The following NSD3 variants were observed in gnomAD, a reference collection of about 807,000 sequenced individuals.
NSD3 encodes nuclear receptor binding SET domain protein 3.
In NSD3, 24 loss-of-function variants were observed where a neutral mutation model predicts 160.8. That is an observed-to-expected ratio of 0.15 (90% CI 0.11 to 0.21). NSD3 has a LOEUF of 0.21. NSD3 is among the 10% of genes least tolerant of loss of function. The pLI, the probability that NSD3 is intolerant of heterozygous loss-of-function variation, is 1.00. For synonymous variants in NSD3, 520 were observed against 600.0 expected (o/e 0.87, Z 1.95); for missense variants, 1,157 against 1,735.9 (o/e 0.67, Z 5.93).
At chr8:38,278,462 A>G in intron 21 of NSD3, 50 bp from the exon 22 acceptor site, 1 of 1,506,996 alleles carries the variant, frequency 6.6e-7, no homozygotes, top group Non-Finnish European at 9.0e-7. Context: ...GGGGAAGAGA[A>G]AAGCTCTCAC....
intron 1 of NSD3, among the ~76,000 whole-genome samples, chr8:38,356,947 C>T (rs1006204853): frequency 6.7e-6 from 1 of 150,186 alleles, no homozygotes; most frequent in Non-Finnish European, 1.5e-5. Flanking sequence ...GGCGAAACCC[C>T]GTCTCTACTA....
At chr8:38,303,496 C>A (rs1439599978) in intron 14 of NSD3, 1 of 556,598 alleles carries the variant, frequency 1.8e-6, no homozygotes, top group African/African-American at 2.1e-5. Context: ...ACTACAGACC[C>A]TGCTAGCTAC....
chr8:38,337,876 T>C (rs1188368597), intron 3 of NSD3, among the ~76,000 whole-genome samples: 1 of 152,244 alleles, frequency 6.6e-6, no homozygotes, highest in African/African-American at 2.4e-5. Context: ...TCTTCAATTA[T>C]ACTTTTCTCT....
intron 12 of NSD3, among the ~76,000 whole-genome samples, chr8:38,311,515 G>A (rs1585876461): frequency 6.6e-6 from 1 of 152,004 alleles, no homozygotes; most frequent in Admixed American, 6.6e-5. Flanking sequence ...TAGTAGAGAT[G>A]AGGTTTCTCC....
At chr8:38,279,938 A>G in intron 20 of NSD3, 2 of 386,616 alleles carry the variant, frequency 5.2e-6, no homozygotes, top group Non-Finnish European at 9.4e-6. Flanking sequence ...AGACCATGGA[A>G]TAATGCTATT....
chr8:38,313,493 T>C (rs1034918992), intron 12 of NSD3, among the ~76,000 whole-genome samples: 1 of 152,126 alleles, frequency 6.6e-6, no homozygotes, highest in Admixed American at 6.5e-5. Flanking sequence ...TGCTTAGTAC[T>C]TGTAGCACCT....
intron 20 of NSD3, 63 bp from the exon 21 acceptor site, chr8:38,279,744 C>T (rs753151080): frequency 9.0e-6 from 14 of 1,550,680 alleles, no homozygotes; most frequent in Non-Finnish European, 1.2e-5. Flanking sequence ...ACATCCAACT[C>T]AGTCAAGGAT....
At chr8:38,284,499 C>T (rs1808812010) in intron 19 of NSD3, among the ~76,000 whole-genome samples, 1 of 152,216 alleles carries the variant, frequency 6.6e-6, no homozygotes, top group Non-Finnish European at 1.5e-5. Flanking sequence ...AGCGATTCTC[C>T]TGCCTCAGCC....
At chr8:38,345,868 C>T (rs1652693290) in intron 2 of NSD3, among the ~76,000 whole-genome samples, 2 of 152,106 alleles carry the variant, frequency 1.3e-5, no homozygotes, top group South Asian at 2.1e-4. Flanking sequence ...AAGATTGCAC[C>T]ACTGCACTCC....
In NSD3 at chr8:38,319,004, G is replaced by A; in HGVS notation, c.1810-64C>T. On this transcript the variant is annotated intron_variant, in intron 8 of 23. Coordinates refer to ENST00000317025, the MANE Select transcript of NSD3 (RefSeq NM_023034.2). The surrounding 1 kb of genome is among the most constrained non-coding windows in gnomAD (Gnocchi z 4.1). ...TTTTCCCTTTTAATTATTAACAGAG[G>A]GAAAAGATACTTTCATCAATCTAAG... 1.4e-6 allele frequency: 2 copies of A among 1,380,562 alleles called. No homozygotes were observed. The highest frequency in any genetic ancestry group is 2.0e-6 in the Non-Finnish European group (2 of 989,674). The allele number at this position is 1,380,562 out of a possible 1,614,324, so 85.5% of individuals were successfully genotyped here.
chr8:38,325,253 C>A (rs916389699), intron 7 of NSD3, among the ~76,000 whole-genome samples: 3 of 152,176 alleles, frequency 2.0e-5, no homozygotes, highest in Non-Finnish European at 2.9e-5. Context: ...CAAATTGAAT[C>A]ATAGGACACC....
intron 1 of NSD3, among the ~76,000 whole-genome samples, chr8:38,359,937 G>A (rs1209076959): frequency 6.6e-6 from 1 of 151,824 alleles, no homozygotes; most frequent in Non-Finnish European, 1.5e-5. Flanking sequence ...CAAAAAGTTT[G>A]AACCACGATA....
intron 1 of NSD3, among the ~76,000 whole-genome samples, chr8:38,362,111 A>G (rs1810981321): frequency 1.3e-5 from 2 of 152,098 alleles, no homozygotes; most frequent in African/African-American, 2.4e-5. Context: ...AAATAAAAAC[A>G]ACTTAGATGC....
intron 12 of NSD3, among the ~76,000 whole-genome samples, chr8:38,312,462 A>G (rs1216528208): frequency 1.3e-5 from 2 of 152,138 alleles, no homozygotes; most frequent in South Asian, 2.1e-4. Context: ...TCAATATCTT[A>G]AATCAGGGAT....
chr8:38,276,760 C>T, intron 22 of NSD3: 2 of 461,850 alleles, frequency 4.3e-6, no homozygotes, highest in Non-Finnish European at 7.8e-6. Context: ...TCTTGGCTCA[C>T]TGCAGCCTCG....
At position 38,275,773 on chromosome 8, in the gene NSD3, C is replaced by G. The variant is rs1200012549; in HGVS notation, c.4182G>C (p.Leu1394=). ...SFCKDHEKGA[L]VPSALEGRLC... is the part of the protein sequence containing the mutation. ...GGCGGCCTTCCAGTGCAGAGGGAAC[C>G]AGGGCCCCCTTTTCATGATCTTTAC... Residue 1394 remains leucine, a synonymous_variant, in exon 24 of 24, where the codon CTG becomes CTC. Coordinates refer to ENST00000317025, the MANE Select transcript of NSD3 (RefSeq NM_023034.2). 2 of 1,614,162 alleles carry G rather than the reference C, an allele frequency of 1.2e-6. No homozygotes were observed. Among genetic ancestry groups the G allele is most frequent in the Admixed American group, 3.3e-5 (2 of 60,024 alleles).
chr8:38,375,906 T>C (rs920075106), intron 1 of NSD3, among the ~76,000 whole-genome samples: 3 of 152,106 alleles, frequency 2.0e-5, no homozygotes, highest in Non-Finnish European at 4.4e-5. Flanking sequence ...TTAACAATTT[T>C]AATTTCTGAA....
At chr8:38,303,522 GATTT>G in intron 14 of NSD3, 1 of 404,172 alleles carries the variant, frequency 2.5e-6, no homozygotes, top group Non-Finnish European at 3.3e-6. Context: ...AAAGGACTAC[GATTT>G]ATTTAATCTT....
At chr8:38,305,993 AAAC>A (rs1809383209) in intron 12 of NSD3, among the ~76,000 whole-genome samples, 1 of 152,184 alleles carries the variant, frequency 6.6e-6, no homozygotes, top group Non-Finnish European at 1.5e-5. Context: ...GAAGCCAAAA[AAAC>A]AATAGAATGA....
Sources: allele counts gnomAD v4.1 joint callset (sites outside exome capture counted in the v4.1 genomes callset), GRCh38; gene constraint gnomAD v4.1.1; non-coding constraint Gnocchi (gnomAD v3.1); transcripts MANE v1.5; gene names NCBI Gene and HGNC (gene_info 2026-07-23, HGNC 2026-07-21).